NRXN3: variants seen among roughly 807,000 people sequenced by gnomAD.
NRXN3 encodes neurexin III.
NRXN3 carries 32 observed loss-of-function variants against 137.6 expected under a neutral mutation model. That is an observed-to-expected ratio of 0.23 (90% CI 0.18 to 0.31). The LOEUF (loss-of-function observed/expected upper bound fraction) is 0.31. Among genes scored for constraint, NRXN3 ranks in the 10% least tolerant of loss-of-function variants. The probability of loss-of-function intolerance (pLI) is 1.00; values close to 1 mark genes in which losing one functional copy is unlikely to be tolerated. For synonymous variants in NRXN3, 798 were observed against 784.5 expected (o/e 1.02, Z -0.29); for missense variants, 1,574 against 2,062.5 (o/e 0.76, Z 4.59).
rs961688995 is a variant in NRXN3, at chr14:79,373,396, T to C, written c.3263-93825T>C. ...GGTTGGTTATAGCTGCTGAACAATA[T>C]GTAATTGTAAGAAGTGTGGCAAAAT... On this transcript the variant is annotated intron_variant, in intron 15 of 20. Coordinates refer to ENST00000335750, the MANE Select transcript of NRXN3 (RefSeq NM_001330195.2). 2.6e-5 allele frequency among the ~76,000 whole-genome samples: 4 copies of C among 152,200 alleles called. No homozygotes were observed. In the East Asian group the frequency reaches 7.7e-4, roughly 29 times the overall value.
intron 15 of NRXN3, among the ~76,000 whole-genome samples, chr14:79,317,488 C>G (rs1279465739): frequency 6.6e-6 from 1 of 152,270 alleles, no homozygotes; most frequent in East Asian, 1.9e-4. Flanking sequence ...TATGTCTATC[C>G]TACTCCAATA....
intron 19 of NRXN3, among the ~76,000 whole-genome samples, chr14:79,753,408 A>G (rs921947638): frequency 1.3e-5 from 2 of 151,934 alleles, no homozygotes; most frequent in South Asian, 4.2e-4. Context: ...TGATGAGTTC[A>G]TGTCCTTTGT....
Position 79,328,569 on chromosome 14 carries a change from T to A in NRXN3, c.3263-138652T>A, listed in dbSNP as rs541099620. The stretch of plus-strand genomic sequence containing the variant: ...AAAGCTCTTTTTCCTTTTTCCATGG[T>A]TTCTCTCTCTAAACTTGTCATGTTG... On this transcript the variant is annotated intron_variant, in intron 15 of 20. Transcript: ENST00000335750. Among the ~76,000 whole-genome samples the A allele has an allele frequency of 7.2e-5, 11 of 152,308 alleles. No homozygotes were observed. The South Asian group carries it at 2.3e-3, about 32-fold the overall frequency.
intron 1 of NRXN3, among the ~76,000 whole-genome samples, chr14:78,188,580 T>A (rs1313022927): frequency 6.6e-6 from 1 of 152,200 alleles, no homozygotes; most frequent in African/African-American, 2.4e-5. Flanking sequence ...GGTGGAGCTC[T>A]GCCTACAGAT....
intron 16 of NRXN3, among the ~76,000 whole-genome samples, chr14:79,626,795 T>G (rs2153919872): frequency 6.6e-6 from 1 of 152,308 alleles, no homozygotes; most frequent in East Asian, 1.9e-4. Context: ...CCTTCCAAGG[T>G]TTCCAGATTA....
chr14:79,119,910 C>T (rs1324342830), intron 15 of NRXN3, among the ~76,000 whole-genome samples: 1 of 152,096 alleles, frequency 6.6e-6, no homozygotes, highest in Non-Finnish European at 1.5e-5. Flanking sequence ...TATATTTTAG[C>T]ATTCCCCTAA....
intron 15 of NRXN3, among the ~76,000 whole-genome samples, chr14:79,330,590 C>T (rs1481591049): frequency 1.3e-5 from 2 of 152,120 alleles, no homozygotes; most frequent in Non-Finnish European, 2.9e-5. Context: ...CAAGATGTGT[C>T]ACTGGCATAG....
At chr14:79,460,950 TG>T (rs2096329188) in intron 15 of NRXN3, among the ~76,000 whole-genome samples, 1 of 152,228 alleles carries the variant, frequency 6.6e-6, no homozygotes, top group African/African-American at 2.4e-5. Context: ...TCATCAGTTC[TG>T]GTGTTTATTT....
intron 15 of NRXN3, among the ~76,000 whole-genome samples, chr14:79,004,779 G>A (rs1369950112): frequency 1.3e-5 from 2 of 152,100 alleles, no homozygotes; most frequent in Non-Finnish European, 2.9e-5. Flanking sequence ...TTTTCCTAAT[G>A]TTTTAAATTC....
intron 4 of NRXN3, among the ~76,000 whole-genome samples, chr14:78,465,458 A>T (rs2095070265): frequency 6.6e-6 from 1 of 152,232 alleles, no homozygotes; most frequent in Non-Finnish European, 1.5e-5. Context: ...CCAGTTCTGT[A>T]AAATTTTAAA....
chr14:79,805,210 T>G lies in NRXN3; in HGVS notation c.4093+20T>G. On this transcript the variant is annotated intron_variant, in intron 20 of 20. Coordinates refer to ENST00000335750, the MANE Select transcript of NRXN3 (RefSeq NM_001330195.2). ...GTACAGGTAGGTCAGGTCAGTCTTA[T>G]TTTGCTTGCTTTCTTTTTTCTTTTG... The G allele has an allele frequency of 6.2e-7, 1 of 1,603,774 alleles. No homozygotes were observed. The highest frequency in any genetic ancestry group is 8.5e-7 in the Non-Finnish European group (1 of 1,171,798).
In NRXN3 at chr14:79,185,747, G is replaced by A. The variant is rs547838109; in HGVS notation, c.3262+197606G>A. ...CCCAAAATGCTGGGATTACAGGCGT[G>A]AGCCACCACCGTACCCGGCCCATAC... On this transcript the variant is annotated intron_variant, in intron 15 of 20. Transcript: ENST00000335750. 5.5e-3 allele frequency among the ~76,000 whole-genome samples: 832 copies of A among 152,212 alleles called. 10 individuals carry two copies. The highest frequency in any genetic ancestry group is 0.019 in the African/African-American group (795 of 41,528).
chr14:78,348,951 G>A (rs572564995), intron 4 of NRXN3, among the ~76,000 whole-genome samples: 10 of 152,264 alleles, frequency 6.6e-5, no homozygotes, highest in African/African-American at 2.4e-4. Flanking sequence ...TGTAAAGGTG[G>A]TCACTGTGCA....
chr14:79,020,948 A>G (rs918445549), intron 15 of NRXN3, among the ~76,000 whole-genome samples: 2 of 151,168 alleles, frequency 1.3e-5, no homozygotes, highest in East Asian at 2.3e-4. Flanking sequence ...ATGGAGGGTG[A>G]TAGTCTTTTC....
intron 20 of NRXN3, among the ~76,000 whole-genome samples, chr14:79,823,671 A>C (rs2099279617): frequency 6.6e-6 from 1 of 152,206 alleles, no homozygotes; most frequent in Admixed American, 6.5e-5. Flanking sequence ...TAAAATATAG[A>C]AGAGTATACT....
At chr14:79,126,766 G>A (rs1332581568) in intron 15 of NRXN3, among the ~76,000 whole-genome samples, 1 of 152,116 alleles carries the variant, frequency 6.6e-6, no homozygotes, top group Admixed American at 6.5e-5. Context: ...TTCCACAATG[G>A]TTGAACTAGT....
At chr14:79,230,763 A>AAG (rs1384758933) in intron 15 of NRXN3, among the ~76,000 whole-genome samples, 2 of 152,258 alleles carry the variant, frequency 1.3e-5, no homozygotes, top group Middle Eastern at 3.4e-3. Flanking sequence ...CTAAAGTATA[A>AAG]AGAGGACTTT....
intron 4 of NRXN3, among the ~76,000 whole-genome samples, chr14:78,631,766 G>A (rs1184253311): frequency 1.3e-5 from 2 of 152,116 alleles, no homozygotes; most frequent in Non-Finnish European, 2.9e-5. Flanking sequence ...TTTGGATGGG[G>A]TTGTTGGGGT....
rs534755224 is a variant in NRXN3 at position 78,791,124 on chromosome 14, T to C, written c.2045-12496T>C. ...TCCATTTTCCTTATAGTTTTTACTT[T>C]TCTTTTTGATTAGGACCTTATCACA... On this transcript the variant is annotated intron_variant, in intron 8 of 20. Transcript: ENST00000335750. Among the ~76,000 whole-genome samples, 3 of 152,344 alleles carry C rather than the reference T, an allele frequency of 2.0e-5. No individual in the cohort carries two copies. The South Asian group carries it at 6.2e-4, about 32-fold the overall frequency.
Sources: allele counts gnomAD v4.1 joint callset (sites outside exome capture counted in the v4.1 genomes callset), GRCh38; gene constraint gnomAD v4.1.1; transcripts MANE v1.5; gene names NCBI Gene and HGNC (gene_info 2026-07-23, HGNC 2026-07-21).